FBXO38: variants seen among roughly 807,000 people sequenced by gnomAD.
FBXO38 encodes the protein F-box only protein 38.
Under a neutral mutation model 131.9 loss-of-function variants are expected in FBXO38, and 53 were observed. The ratio of observed to expected loss-of-function variants is 0.40; its 90% confidence interval spans 0.32 to 0.51. The LOEUF is 0.51. FBXO38 is among the 20% of genes least tolerant of loss of function. The pLI, the probability that FBXO38 is intolerant of heterozygous loss-of-function variation, is 0.53. For missense variants in FBXO38, 1,076 were observed against 1,475.6 expected, an observed-to-expected ratio of 0.73 and a Z score of 4.44; for synonymous variants, 452 against 505.6, an observed-to-expected ratio of 0.89 and a Z score of 1.42.
intron 7 of FBXO38, among the ~76,000 whole-genome samples, chr5:148,407,254 G>A (rs1189833256): frequency 1.3e-5 from 2 of 152,266 alleles, no homozygotes; most frequent in East Asian, 3.9e-4. Context: ...ACGAAAAGAA[G>A]GCTACTGGTG....
chr5:148,432,461 C>G (rs890571276), intron 15 of FBXO38, among the ~76,000 whole-genome samples: 2 of 152,302 alleles, frequency 1.3e-5, no homozygotes, highest in African/African-American at 4.8e-5. Flanking sequence ...GGGTTTGACT[C>G]CTGGTTCCCA....
chr5:148,405,045 C>T (rs569605709), intron 6 of FBXO38, among the ~76,000 whole-genome samples: 4 of 149,148 alleles, frequency 2.7e-5, no homozygotes, highest in East Asian at 2.0e-4. Context: ...CTCAGAATAT[C>T]TCTATTTTTT....
chr5:148,393,188 G>T (rs866307460), intron 1 of FBXO38, among the ~76,000 whole-genome samples: 1 of 127,036 alleles, frequency 7.9e-6, no homozygotes, highest in Non-Finnish European at 1.6e-5. Context: ...ACAGAAGAGG[G>T]GTGTGTGTGT....
intron 12 of FBXO38, among the ~76,000 whole-genome samples, chr5:148,422,895 G>C (rs1012796462): frequency 1.3e-5 from 2 of 152,162 alleles, no homozygotes; most frequent in Non-Finnish European, 2.9e-5. Flanking sequence ...CTGGGGCCCA[G>C]GCTACCTTTT....
At chr5:148,435,096 A>C (rs369294074) in intron 17 of FBXO38, 1 of 152,278 alleles carries the variant, frequency 6.6e-6, no homozygotes, top group Non-Finnish European at 1.5e-5. Context: ...TCTCTCAAAA[A>C]AAAATAAAAT....
rs754099120 is a variant in FBXO38, at chr5:148,402,464, T to C, written c.543T>C (p.Asn181=). The C allele has an allele frequency of 6.2e-7, 1 of 1,612,518 alleles. No homozygotes were observed. The highest frequency in any genetic ancestry group is 1.1e-5 in the South Asian group (1 of 90,972). ...RNGAFPIPPE[N]KLKIPIGAKI... ...GAGCTTTTCCAATTCCTCCTGAAAA[T>C]AAACTGAAAATTCCTATAGGAGCCA... Residue 181 remains asparagine, a synonymous_variant, in exon 5 of 22, where the codon AAT becomes AAC. Coordinates refer to ENST00000340253, the MANE Select transcript of FBXO38 (RefSeq NM_205836.3).
At chr5:148,431,825 A>G (rs1476318674) in intron 15 of FBXO38, among the ~76,000 whole-genome samples, 1 of 152,110 alleles carries the variant, frequency 6.6e-6, no homozygotes, top group East Asian at 1.9e-4. Flanking sequence ...GAACTCCAGA[A>G]TTTTGCTTAG....
chr5:148,424,116 A>G lies in FBXO38; in HGVS notation c.1737A>G (p.Ala579=). ...IIPVDVDEEQ[A]GPSGLQRVVK... ...CTGTGGATGTTGATGAGGAACAAGC[A>G]GGTAATCATGTGATCCATCCCACAT... Residue 579 remains alanine (A), a splice_region_variant and synonymous_variant, in exon 13 of 22, where the codon GCA becomes GCG. Transcript: ENST00000340253. 6.2e-7 allele frequency: 1 copy of G among 1,611,980 alleles called. No individual in the cohort carries two copies. Among genetic ancestry groups the G allele is most frequent in the African/African-American group, 1.3e-5 (1 of 74,966 alleles).
chr5:148,384,805 A>G (rs1243119834), intron 1 of FBXO38: 1 of 152,256 alleles, frequency 6.6e-6, no homozygotes, highest in Non-Finnish European at 1.5e-5. Context: ...TTCCTGTGCA[A>G]TGAGAAGCTC....
At chr5:148,387,576 G>A (rs1274867567) in intron 1 of FBXO38, among the ~76,000 whole-genome samples, 1 of 151,820 alleles carries the variant, frequency 6.6e-6, no homozygotes, top group Non-Finnish European at 1.5e-5. Flanking sequence ...AATCACAGAC[G>A]TTCTTAACAG....
intron 19 of FBXO38, among the ~76,000 whole-genome samples, chr5:148,440,144 T>C (rs760357086): frequency 6.6e-6 from 1 of 152,222 alleles, no homozygotes; most frequent in Non-Finnish European, 1.5e-5. Flanking sequence ...AAATTTGTTA[T>C]ATAAATGTTG....
At chr5:148,416,134 A>ATTT (rs376168098) in intron 11 of FBXO38, 64 bp downstream of exon 11, 397 of 1,195,298 alleles carry the variant, frequency 3.3e-4, no homozygotes, top group African/African-American at 2.2e-3. Context: ...ACAGCCTGTG[A>ATTT]TTTTTTTTTT....
intron 17 of FBXO38, among the ~76,000 whole-genome samples, chr5:148,436,111 C>T (rs1388949356): frequency 6.6e-6 from 1 of 152,098 alleles, no homozygotes; most frequent in Non-Finnish European, 1.5e-5. Context: ...AACCCAAAGA[C>T]TCAAAGGGAG....
chr5:148,437,428 G>A (rs1169362558), intron 17 of FBXO38, among the ~76,000 whole-genome samples: 1 of 152,192 alleles, frequency 6.6e-6, no homozygotes. Context: ...CGTGAGAGGC[G>A]GGAGTCTCTC....
At chr5:148,426,382 A>C (rs1217580474) in intron 14 of FBXO38, among the ~76,000 whole-genome samples, 1 of 152,202 alleles carries the variant, frequency 6.6e-6, no homozygotes, top group Admixed American at 6.5e-5. Context: ...CTGACCCTGG[A>C]ACATTTATGT....
Position 148,441,126 on chromosome 5 carries a change from G to A in FBXO38, c.3277G>A (p.Val1093Ile), listed in dbSNP as rs779324806. ...WGREIYTLEG[V>I]VDGAPYSMIS... ...GCAATGTTACATTTGTCTTTTAGGT[G>A]TTGTGGATGGAGCTCCATATTCCAT... The change falls in exon 21 of 22, where the codon GTT (valine) becomes ATT (isoleucine). Residue 1093 changes from valine to isoleucine, a missense_variant and splice_region_variant. This residue lies in a region of FBXO38 where 282 missense variants were observed against 418.8 expected (regional missense o/e 0.67). Coordinates refer to ENST00000340253, the MANE Select transcript of FBXO38 (RefSeq NM_205836.3). 5 of 1,612,766 alleles carry A rather than the reference G, an allele frequency of 3.1e-6. No homozygotes were observed. The East Asian group carries it at 8.9e-5, about 29-fold the overall frequency.
At chr5:148,406,529 T>C (rs945412651) in intron 7 of FBXO38, 135 bp downstream of exon 7, 1 of 678,204 alleles carries the variant, frequency 1.5e-6, no homozygotes, top group Non-Finnish European at 2.4e-6. Flanking sequence ...TTGTATTTGA[T>C]GGACAGTAAG....
intron 14 of FBXO38, among the ~76,000 whole-genome samples, chr5:148,426,013 T>C (rs533656225): frequency 2.0e-5 from 3 of 152,300 alleles, no homozygotes; most frequent in African/African-American, 4.8e-5. Flanking sequence ...AAGGGATGAC[T>C]GCTGAGTCAT....
intron 3 of FBXO38, among the ~76,000 whole-genome samples, chr5:148,400,351 G>A (rs978604593): frequency 1.3e-5 from 2 of 152,076 alleles, no homozygotes; most frequent in African/African-American, 4.8e-5. Context: ...AGGCCAGCTG[G>A]AATTCTGAAG....
Sources: allele counts gnomAD v4.1 joint callset (sites outside exome capture counted in the v4.1 genomes callset), GRCh38; gene constraint gnomAD v4.1.1; regional missense constraint gnomAD v4.1.1; transcripts MANE v1.5; gene names NCBI Gene and HGNC (gene_info 2026-07-23, HGNC 2026-07-21).